CLIP1: variants seen among roughly 807,000 people sequenced by gnomAD.
The protein encoded by CLIP1 is CAP-Gly domain containing linker protein 1.
A neutral mutation model predicts 161.6 loss-of-function variants in CLIP1; 66 were observed. The observed-to-expected ratio is 0.41, with a 90% confidence interval of 0.33 to 0.50. The LOEUF is 0.50. CLIP1 is among the 20% of genes least tolerant of loss of function. The pLI is 0.27. For synonymous variants in CLIP1, 598 were observed against 626.2 expected, an observed-to-expected ratio of 0.96 and a Z score of 0.67; for missense variants, 1,376 against 1,702.0, an observed-to-expected ratio of 0.81 and a Z score of 3.37.
intron 1 of CLIP1, among the ~76,000 whole-genome samples, chr12:122,411,074 T>C (rs910213669): frequency 6.6e-6 from 1 of 152,080 alleles, no homozygotes; most frequent in Non-Finnish European, 1.5e-5. Flanking sequence ...TCTATAACAT[T>C]CTTAGGTATA....
intron 1 of CLIP1, among the ~76,000 whole-genome samples, chr12:122,422,020 C>T (rs1956962026): frequency 1.3e-5 from 2 of 152,280 alleles, no homozygotes; most frequent in African/African-American, 4.8e-5. Flanking sequence ...GAGGCCGGGC[C>T]AGGGTGCCCT....
Position 122,329,145 on chromosome 12 carries a change from G to A in CLIP1, c.2868-719C>T, listed in dbSNP as rs1464898293. Among the ~76,000 whole-genome samples, 13 of 152,090 alleles carry A rather than the reference G, an allele frequency of 8.5e-5. No individual in the cohort carries two copies. In the East Asian group the frequency reaches 1.9e-3, roughly 23 times the overall value. ...AGTTCAAGACCAGCCTGGTCAACAT[G>A]GCGAAACCCCGTCTCTACTAAAAAT... On this transcript the variant is annotated intron_variant, in intron 15 of 25. Coordinates refer to ENST00000620786, the MANE Select transcript of CLIP1 (RefSeq NM_001247997.2).
chr12:122,339,371 T>C (rs949397277), intron 11 of CLIP1, among the ~76,000 whole-genome samples: 1 of 152,152 alleles, frequency 6.6e-6, no homozygotes, highest in Non-Finnish European at 1.5e-5. Flanking sequence ...GGAGTCTTGC[T>C]CTGTCGCCCA....
chr12:122,397,523 A>T (rs1386328312), intron 1 of CLIP1, among the ~76,000 whole-genome samples: 1 of 121,438 alleles, frequency 8.2e-6, no homozygotes, highest in African/African-American at 3.1e-5. Flanking sequence ...ACTGCCCTCC[A>T]GTCTGGGCGA....
chr12:122,298,409 G>A (rs1287157513), intron 20 of CLIP1, among the ~76,000 whole-genome samples: 1 of 151,888 alleles, frequency 6.6e-6, no homozygotes, highest in Admixed American at 6.6e-5. Context: ...GAGTTCAAAC[G>A]TGGCCAACGT....
chr12:122,409,518 G>A (rs1370015626), intron 1 of CLIP1, among the ~76,000 whole-genome samples: 1 of 152,030 alleles, frequency 6.6e-6, no homozygotes, highest in Non-Finnish European at 1.5e-5. Context: ...TGGAAACTAG[G>A]AATTGGTTTC....
chr12:122,274,003 G>C, intron 25 of CLIP1, 35 bp downstream of exon 25: 1 of 1,606,826 alleles, frequency 6.2e-7, no homozygotes, highest in Non-Finnish European at 8.5e-7. Flanking sequence ...AAAGTGCTGG[G>C]ATTATAGCAA....
chr12:122,320,190 C>T (rs1951433771), intron 17 of CLIP1, among the ~76,000 whole-genome samples: 2 of 150,938 alleles, frequency 1.3e-5, no homozygotes, highest in Non-Finnish European at 2.9e-5. Context: ...TGGTGTGAAC[C>T]TGGGAGGCGG....
intron 15 of CLIP1, among the ~76,000 whole-genome samples, chr12:122,329,961 T>C (rs1951872502): frequency 6.6e-6 from 1 of 151,648 alleles, no homozygotes; most frequent in African/African-American, 2.4e-5. Context: ...CTACTAAAAA[T>C]ACAAAATTAG....
chr12:122,389,316 G>T (rs1400730871), intron 1 of CLIP1, among the ~76,000 whole-genome samples: 11 of 152,120 alleles, frequency 7.2e-5, no homozygotes, highest in Admixed American at 7.2e-4. Context: ...TATAAACAAT[G>T]TTTACTAAAT....
chr12:122,400,059 G>C (rs1956088804), intron 1 of CLIP1: 1 of 152,138 alleles, frequency 6.6e-6, no homozygotes, highest in Non-Finnish European at 1.5e-5. Context: ...TGTGTCACTT[G>C]CTGTCCCCAC....
rs541948977 is a variant in CLIP1, at chr12:122,311,714, C to T, written c.3474-1832G>A. Among the ~76,000 whole-genome samples, 3 of 152,290 alleles carry T rather than the reference C, an allele frequency of 2.0e-5. No homozygotes were observed. The highest frequency in any genetic ancestry group is 1.9e-4 in the East Asian group (1 of 5,188). ...CTGGGATTACAGGCATGAGCCACCG[C>T]GCCCGGCCAAAATTATTGTTTTAAA... is the stretch of plus-strand genomic sequence containing the variant. On this transcript the variant is annotated intron_variant, in intron 19 of 25. Coordinates refer to ENST00000620786, the MANE Select transcript of CLIP1 (RefSeq NM_001247997.2). The surrounding 1 kb of genome is among the most constrained non-coding windows in gnomAD (Gnocchi z 4.3).
chr12:122,293,821 T>C (rs1358382932), intron 20 of CLIP1, among the ~76,000 whole-genome samples: 2 of 149,970 alleles, frequency 1.3e-5, no homozygotes, highest in Non-Finnish European at 3.0e-5. Flanking sequence ...TTGTTTTTTT[T>C]TGAGACAGAG....
chr12:122,390,247 TATACAC>T (rs1251807366), intron 1 of CLIP1, among the ~76,000 whole-genome samples: 1 of 104,738 alleles, frequency 9.5e-6, no homozygotes, highest in Non-Finnish European at 1.8e-5. Flanking sequence ...CACACATATA[TATACAC>T]ATATATACAC....
intron 19 of CLIP1, among the ~76,000 whole-genome samples, chr12:122,310,275 C>A (rs1951016003): frequency 6.6e-6 from 1 of 152,196 alleles, no homozygotes; most frequent in African/African-American, 2.4e-5. Flanking sequence ...ATTTAATTTG[C>A]TGCCAAGGCA....
chr12:122,380,300 G>A lies in CLIP1; in HGVS notation c.85+68C>T, dbSNP rs988489884. The A allele has an allele frequency of 1.5e-5, 14 of 953,874 alleles. No homozygotes were observed. In the Admixed American group the frequency reaches 2.9e-4, roughly 20 times the overall value. 59.1% of individuals were successfully genotyped at this position (953,874 alleles called of 1,614,324 possible). A position where few individuals can be genotyped will look rare whatever the true frequency, so the allele number is the denominator to read the frequency against. On this transcript the variant is annotated intron_variant, in intron 2 of 25. Transcript: ENST00000620786. ...AGAATATGAACAGATATAAAATAAT[G>A]TTTTAAAATTAAAAAGCAAATTGAA...
At chr12:122,300,048 A>G (rs1347212638) in intron 20 of CLIP1, among the ~76,000 whole-genome samples, 1 of 152,206 alleles carries the variant, frequency 6.6e-6, no homozygotes, top group Non-Finnish European at 1.5e-5. Context: ...GCTTGAGTCC[A>G]AGAGTTTGAG....
intron 3 of CLIP1, among the ~76,000 whole-genome samples, chr12:122,373,431 A>C (rs201355092): frequency 1.1e-4 from 12 of 113,618 alleles, no homozygotes; most frequent in Admixed American, 4.2e-4. Flanking sequence ...CTCAAAAAAA[A>C]GAAAAAAAAA....
chr12:122,361,774 T>C (rs933046953), intron 4 of CLIP1, among the ~76,000 whole-genome samples: 2 of 152,076 alleles, frequency 1.3e-5, no homozygotes, highest in African/African-American at 2.4e-5. Context: ...AAGGCTGAAG[T>C]AACCCGAGAT....
Sources: gnomAD v4.1 joint callset for allele counts (sites outside exome capture counted in the v4.1 genomes callset) on GRCh38, gnomAD v4.1.1 for gene constraint, Gnocchi (gnomAD v3.1) non-coding constraint, MANE v1.5 for transcripts, NCBI Gene and HGNC (gene_info 2026-07-23, HGNC 2026-07-21) for gene names.